Variants in SMYD1 observed in about 807,000 individuals in gnomAD.
SMYD1 encodes SET and MYND domain containing 1, also known as histone-lysine N-methyltransferase SMYD1.
A neutral mutation model predicts 54.0 loss-of-function variants in SMYD1; 49 were observed. That is an observed-to-expected ratio of 0.91 (90% CI 0.72 to 1.15). The LOEUF (loss-of-function observed/expected upper bound fraction) is 1.15, where lower values mean the gene tolerates loss of function less well. SMYD1 is among the 50% of genes most tolerant of loss of function. The pLI is 0.00. For synonymous variants in SMYD1, 269 were observed against 234.2 expected (o/e 1.15, Z -1.36); for missense variants, 653 against 639.6 (o/e 1.02, Z -0.23).
At chr2:88,106,574 C>T (rs1234198797) in intron 8 of SMYD1, 86 bp downstream of exon 8, 1 of 1,437,142 alleles carries the variant, frequency 7.0e-7, no homozygotes, top group Non-Finnish European at 9.6e-7. Context: ...TTACTGGTGC[C>T]TCTCCCTCCT....
At chr2:88,103,219 GAAGTGGCGTGAGAACGGGCGGC>G in intron 7 of SMYD1, 69 bp downstream of exon 7, 1 of 1,319,152 alleles carries the variant, frequency 7.6e-7, no homozygotes, top group Non-Finnish European at 1.1e-6. Flanking sequence ...GTAAGGGAGG[GAAGTGGCGTGAGAACGGGCGGC>G]GGGGGAGGGG....
chr2:88,068,752 T>C (rs1212242716), intron 1 of SMYD1, among the ~76,000 whole-genome samples: 1 of 152,138 alleles, frequency 6.6e-6, no homozygotes, highest in African/African-American at 2.4e-5. Flanking sequence ...ATTCCAAAGA[T>C]CTATTTCCTT....
At chr2:88,107,821 A>G (rs942434913) in intron 8 of SMYD1, among the ~76,000 whole-genome samples, 7 of 152,052 alleles carry the variant, frequency 4.6e-5, no homozygotes, top group Admixed American at 4.6e-4. Flanking sequence ...GAGTGACCCA[A>G]TTTTCCAGGT....
chr2:88,102,837 A>G (rs1252466085), intron 6 of SMYD1, among the ~76,000 whole-genome samples: 1 of 152,222 alleles, frequency 6.6e-6, no homozygotes, highest in African/African-American at 2.4e-5. Context: ...GGCTGACAGC[A>G]AGGGTCTGGG....
chr2:88,105,633 T>C (rs1674846528), intron 7 of SMYD1, among the ~76,000 whole-genome samples: 1 of 152,182 alleles, frequency 6.6e-6, no homozygotes, highest in South Asian at 2.1e-4. Context: ...TATGATTCTT[T>C]CTTTCTTTTA....
chr2:88,108,628 A>T, intron 9 of SMYD1, 89 bp downstream of exon 9: 1 of 1,310,320 alleles, frequency 7.6e-7, no homozygotes, highest in Non-Finnish European at 1.0e-6. Flanking sequence ...TGCTTTAGAA[A>T]AGTCCACATA....
intron 1 of SMYD1, among the ~76,000 whole-genome samples, chr2:88,079,839 C>T (rs1273217134): frequency 6.6e-6 from 1 of 151,964 alleles, no homozygotes. Context: ...AAACAAAAAA[C>T]AATAAAAGTC....
rs560563572 is a variant in SMYD1, at chr2:88,084,511, G to T, written c.314+19G>T. The T allele has an allele frequency of 1.3e-6, 2 of 1,555,612 alleles. No homozygotes were observed. Among genetic ancestry groups the T allele is most frequent in the Non-Finnish European group, 8.8e-7 (1 of 1,136,942 alleles). ...ACATCAGGTGAGAGCTGGGCACCCT[G>T]GTGGTGCTTCAGATTTCCAAATGTC... On this transcript the variant is annotated intron_variant, in intron 2 of 9. Transcript: ENST00000419482.
At chr2:88,088,099 C>A in intron 3 of SMYD1, 24 bp downstream of exon 3, 1 of 1,587,904 alleles carries the variant, frequency 6.3e-7, no homozygotes. Flanking sequence ...GTCCCTTCTC[C>A]ATCCTCCCTG....
At chr2:88,103,264 G>A in intron 7 of SMYD1, 114 bp downstream of exon 7, 1 of 759,112 alleles carries the variant, frequency 1.3e-6, no homozygotes, top group East Asian at 2.7e-5. Flanking sequence ...CTACCAAGCA[G>A]GTTATTTTTC....
chr2:88,080,596 G>C (rs960940247), intron 1 of SMYD1, among the ~76,000 whole-genome samples: 1 of 152,102 alleles, frequency 6.6e-6, no homozygotes, highest in Admixed American at 6.6e-5. Flanking sequence ...TCCCTCTCCA[G>C]ACCACCTCCT....
At chr2:88,106,519 TC>T in intron 8 of SMYD1, 31 bp downstream of exon 8, 1 of 1,600,060 alleles carries the variant, frequency 6.2e-7, no homozygotes, top group Non-Finnish European at 8.6e-7. Flanking sequence ...TCAGATAGTC[TC>T]CTGGAAGTGT....
At chr2:88,107,159 C>T (rs1353836950) in intron 8 of SMYD1, among the ~76,000 whole-genome samples, 1 of 151,992 alleles carries the variant, frequency 6.6e-6, no homozygotes, top group Non-Finnish European at 1.5e-5. Flanking sequence ...CTAGACTGCG[C>T]CACTGCACTC....
At chr2:88,086,313 A>G (rs1329206960) in intron 2 of SMYD1, among the ~76,000 whole-genome samples, 1 of 152,192 alleles carries the variant, frequency 6.6e-6, no homozygotes, top group Non-Finnish European at 1.5e-5. Flanking sequence ...TTTGCCCAGC[A>G]GATCTCTCCT....
chr2:88,078,788 A>G (rs988844306), intron 1 of SMYD1, among the ~76,000 whole-genome samples: 1 of 152,238 alleles, frequency 6.6e-6, no homozygotes, highest in African/African-American at 2.4e-5. Flanking sequence ...CTGACTCTGC[A>G]TCCTCCTTCT....
At chr2:88,101,110 C>T (rs1164775345) in intron 6 of SMYD1, among the ~76,000 whole-genome samples, 1 of 152,190 alleles carries the variant, frequency 6.6e-6, no homozygotes, top group Admixed American at 6.5e-5. Context: ...GAGATGAAAA[C>T]CCATGGCAGA....
chr2:88,078,424 C>A (rs762497313), intron 1 of SMYD1, among the ~76,000 whole-genome samples: 1 of 152,140 alleles, frequency 6.6e-6, no homozygotes, highest in Non-Finnish European at 1.5e-5. Flanking sequence ...CCCATTTTCA[C>A]ATAAGGAAAC....
chr2:88,084,338 A>G lies in SMYD1; in HGVS notation c.160A>G (p.Thr54Ala), dbSNP rs757641640. ...FDSLVNFVCH[T>A]CFKRQEKLHR... is the part of the protein sequence containing the mutation. ...CAGCCTTGTTAATTTTGTGTGCCAC[A>G]CCTGCTTCAAGAGGCAGGAGAAGCT... Residue 54 changes from threonine to alanine, a missense_variant, in exon 2 of 10, where the codon ACC becomes GCC. Coordinates refer to ENST00000419482, the MANE Select transcript of SMYD1 (RefSeq NM_198274.4). 6.3e-7 allele frequency: 1 copy of G among 1,577,940 alleles called. No homozygotes were observed. Among genetic ancestry groups the G allele is most frequent in the Non-Finnish European group, 8.7e-7 (1 of 1,150,938 alleles).
chr2:88,091,244 TA>T lies in SMYD1; in HGVS notation c.659+103del, dbSNP rs1674456058. The T allele has an allele frequency of 3.1e-6, 4 of 1,288,452 alleles. No individual in the cohort carries two copies. The Admixed American group carries it at 9.0e-5, about 29-fold the overall frequency. The allele number at this position is 1,288,452 out of a possible 1,614,324, so 79.8% of individuals were successfully genotyped here. A position where few individuals can be genotyped will look rare whatever the true frequency, so the allele number is the denominator to read the frequency against. On this transcript the variant is annotated intron_variant, in intron 4 of 9. Coordinates refer to ENST00000419482, the MANE Select transcript of SMYD1 (RefSeq NM_198274.4). ...CAAAGTCAACCTGCTAAACCTGAACTAGCATAAATTTTAAATGTATAGCACA... is the reference window on the plus strand; with the variant it reads ...CAAAGTCAACCTGCTAAACCTGAACTGCATAAATTTTAAATGTATAGCACA...
Sources: gnomAD v4.1 joint callset for allele counts (sites outside exome capture counted in the v4.1 genomes callset) on GRCh38, gnomAD v4.1.1 for gene constraint, MANE v1.5 for transcripts, NCBI Gene and HGNC (gene_info 2026-07-23, HGNC 2026-07-21) for gene names.